Variants in TTLL11 observed in about 807,000 individuals in gnomAD.
The protein encoded by TTLL11 is tubulin polyglutamylase TTLL11.
In TTLL11, 42 loss-of-function variants were observed where a neutral mutation model predicts 51.7. The observed-to-expected ratio is 0.81, with a 90% confidence interval of 0.64 to 1.05. TTLL11 has a LOEUF of 1.05. Ranked by LOEUF, TTLL11 falls within the 50% of genes least tolerant of loss-of-function variation. The probability of loss-of-function intolerance (pLI) is 0.00; values close to 1 mark genes in which losing one functional copy is unlikely to be tolerated. For missense variants in TTLL11, 799 were observed against 940.4 expected, an observed-to-expected ratio of 0.85 and a Z score of 1.97; for synonymous variants, 381 against 383.5, an observed-to-expected ratio of 0.99 and a Z score of 0.08.
intron 1 of TTLL11, among the ~76,000 whole-genome samples, chr9:122,044,784 A>G (rs950671020): frequency 6.6e-6 from 1 of 152,234 alleles, no homozygotes; most frequent in Non-Finnish European, 1.5e-5. Context: ...TCAAAATCAT[A>G]AGAAACTGCT....
chr9:121,972,225 T>G (rs1164474517), intron 6 of TTLL11, among the ~76,000 whole-genome samples: 2 of 152,016 alleles, frequency 1.3e-5, no homozygotes, highest in East Asian at 1.9e-4. Context: ...TACCCAAATC[T>G]CCTTACAGTA....
chr9:121,834,265 G>A (rs1445464564), intron 8 of TTLL11, among the ~76,000 whole-genome samples: 1 of 152,090 alleles, frequency 6.6e-6, no homozygotes, highest in African/African-American at 2.4e-5. Context: ...AATCTCTCTA[G>A]GCCTGGGGCT....
chr9:121,920,740 G>A (rs1486116583), intron 6 of TTLL11, among the ~76,000 whole-genome samples: 1 of 152,142 alleles, frequency 6.6e-6, no homozygotes. Context: ...AAGGACAATT[G>A]GATAAGACTC....
chr9:121,962,903 TACAG>T (rs1842282488), intron 6 of TTLL11, among the ~76,000 whole-genome samples: 1 of 152,206 alleles, frequency 6.6e-6, no homozygotes, highest in Non-Finnish European at 1.5e-5. Context: ...CCCCAAAGTT[TACAG>T]ACAGAGAACA....
At chr9:121,869,913 G>A (rs1838298940) in intron 7 of TTLL11, among the ~76,000 whole-genome samples, 3 of 152,142 alleles carry the variant, frequency 2.0e-5, no homozygotes, top group Non-Finnish European at 4.4e-5. Context: ...AAACCAAGCG[G>A]CAACTGCTAA....
intron 6 of TTLL11, among the ~76,000 whole-genome samples, chr9:121,881,302 C>CATGT (rs71508143): frequency 0.14 from 21,777 of 152,176 alleles, 1,713 homozygotes; most frequent in African/African-American, 0.21. Context: ...TGGGGGAAGC[C>CATGT]ATGTGTAAAA....
chr9:121,956,666 G>A (rs17176790), intron 6 of TTLL11, among the ~76,000 whole-genome samples: 2,172 of 151,752 alleles, frequency 0.014, 20 homozygotes, highest in Middle Eastern at 0.041. Flanking sequence ...CCGGTGGCCC[G>A]GGACAGACAC....
At chr9:121,826,724 C>G (rs1167859262) in intron 8 of TTLL11, among the ~76,000 whole-genome samples, 2 of 151,646 alleles carry the variant, frequency 1.3e-5, no homozygotes, top group Non-Finnish European at 2.9e-5. Context: ...AACGGTAGAA[C>G]CTGCAGGAAA....
At chr9:121,918,273 G>T (rs1011069739) in intron 6 of TTLL11, among the ~76,000 whole-genome samples, 2 of 152,208 alleles carry the variant, frequency 1.3e-5, no homozygotes, top group African/African-American at 4.8e-5. Flanking sequence ...CGGAGAGGCT[G>T]CTACAGGGTA....
At chr9:121,928,071 A>G (rs1469159263) in intron 6 of TTLL11, among the ~76,000 whole-genome samples, 1 of 152,188 alleles carries the variant, frequency 6.6e-6, no homozygotes, top group Non-Finnish European at 1.5e-5. Flanking sequence ...CCACAATCAT[A>G]AAGTATCTCA....
chr9:121,958,776 A>G (rs1450071357), intron 6 of TTLL11, among the ~76,000 whole-genome samples: 2 of 152,154 alleles, frequency 1.3e-5, no homozygotes, highest in Admixed American at 1.3e-4. Flanking sequence ...GGCAAATATC[A>G]TTTAGGATAA....
intron 6 of TTLL11, among the ~76,000 whole-genome samples, chr9:121,921,927 A>G (rs1840560629): frequency 6.6e-6 from 1 of 152,236 alleles, no homozygotes; most frequent in Non-Finnish European, 1.5e-5. Flanking sequence ...CTCTGAGCCC[A>G]CGGAGGAACC....
At chr9:121,855,672 A>C (rs1837793336) in intron 8 of TTLL11, among the ~76,000 whole-genome samples, 1 of 152,216 alleles carries the variant, frequency 6.6e-6, no homozygotes, top group Admixed American at 6.5e-5. Flanking sequence ...CCTGTCAAAG[A>C]GACCACCTCT....
At chr9:121,911,617 T>G (rs1473015273) in intron 6 of TTLL11, among the ~76,000 whole-genome samples, 1 of 152,118 alleles carries the variant, frequency 6.6e-6, no homozygotes, top group Non-Finnish European at 1.5e-5. Context: ...TAAAAAAGAA[T>G]TAGTTCATGT....
At chr9:122,085,961 T>TAA (rs1203329758) in intron 1 of TTLL11, among the ~76,000 whole-genome samples, 2 of 152,230 alleles carry the variant, frequency 1.3e-5, no homozygotes, top group Non-Finnish European at 2.9e-5. Flanking sequence ...AGAAGGCACT[T>TAA]AAACAGTGGT....
intron 8 of TTLL11, among the ~76,000 whole-genome samples, chr9:121,855,057 G>A (rs1359936948): frequency 6.6e-6 from 1 of 152,188 alleles, no homozygotes; most frequent in East Asian, 1.9e-4. Flanking sequence ...GGGGAATGAT[G>A]AACCCAGGGT....
intron 1 of TTLL11, among the ~76,000 whole-genome samples, chr9:122,075,156 T>A (rs1845829515): frequency 6.6e-6 from 1 of 152,218 alleles, no homozygotes; most frequent in African/African-American, 2.4e-5. Flanking sequence ...AATAATCCAT[T>A]ATTGTAACAA....
At chr9:121,986,800 G>A (rs1842953917) in intron 4 of TTLL11, among the ~76,000 whole-genome samples, 1 of 151,884 alleles carries the variant, frequency 6.6e-6, no homozygotes, top group Admixed American at 6.6e-5. Flanking sequence ...ATCCACTAGA[G>A]ACACTGCCCC....
chr9:121,970,643 A>G (rs1452885313), intron 6 of TTLL11, among the ~76,000 whole-genome samples: 2 of 152,256 alleles, frequency 1.3e-5, no homozygotes, highest in African/African-American at 4.8e-5. Flanking sequence ...TCAAAACCCC[A>G]ATGAGATACC....
Sources: allele counts gnomAD v4.1 joint callset (sites outside exome capture counted in the v4.1 genomes callset), GRCh38; gene constraint gnomAD v4.1.1; transcripts MANE v1.5; gene names NCBI Gene and HGNC (gene_info 2026-07-23, HGNC 2026-07-21).